Variants in CLSTN2 observed in about 807,000 individuals in gnomAD.
CLSTN2 encodes calsyntenin-2.
Under a neutral mutation model 101.2 loss-of-function variants are expected in CLSTN2, and 48 were observed. That is an observed-to-expected ratio of 0.47 (90% confidence interval 0.38 to 0.60). The LOEUF is 0.60. Among genes scored for constraint, CLSTN2 ranks in the 20% least tolerant of loss-of-function variants. The pLI is 0.00. For synonymous variants in CLSTN2, 481 were observed against 463.6 expected (o/e 1.04, Z -0.48); for missense variants, 1,160 against 1,238.2 (o/e 0.94, Z 0.95).
intron 1 of CLSTN2, among the ~76,000 whole-genome samples, chr3:140,093,381 G>A (rs2008814218): frequency 2.0e-5 from 3 of 152,064 alleles, no homozygotes; most frequent in African/African-American, 7.2e-5. Flanking sequence ...CTGCCTTCTT[G>A]TTTCATCCTA....
intron 2 of CLSTN2, among the ~76,000 whole-genome samples, chr3:140,340,261 A>G (rs923234757): frequency 2.0e-5 from 3 of 152,256 alleles, no homozygotes; most frequent in Non-Finnish European, 2.9e-5. Flanking sequence ...GTTCTAATGT[A>G]CTTCGTACAT....
intron 1 of CLSTN2, among the ~76,000 whole-genome samples, chr3:139,970,781 C>T (rs146768984): frequency 6.6e-6 from 1 of 152,284 alleles, no homozygotes; most frequent in East Asian, 1.9e-4. Context: ...GTAGCCTCCT[C>T]AAGTCATAAG....
chr3:140,570,458 A>G lies in CLSTN2; in HGVS notation c.*4205A>G, dbSNP rs2107798380. 6.6e-6 allele frequency: 1 copy of G among 152,332 alleles called. No individual in the cohort carries two copies. The highest frequency in any genetic ancestry group is 1.5e-5 in the Non-Finnish European group (1 of 68,014). The allele number at this position is 152,332 out of a possible 1,614,324, so 9.4% of individuals were successfully genotyped here. On this transcript the variant is annotated 3_prime_UTR_variant, in exon 17 of 17. Transcript: ENST00000458420. ...CATAGGCTATATGCAAATACTATGCATTTTATATAAAGGAATTGAACATCT... is the reference window on the plus strand; with the variant it reads ...CATAGGCTATATGCAAATACTATGCGTTTTATATAAAGGAATTGAACATCT...
intron 1 of CLSTN2, among the ~76,000 whole-genome samples, chr3:140,173,621 C>A (rs1576455282): frequency 6.6e-6 from 1 of 152,246 alleles, no homozygotes; most frequent in African/African-American, 2.4e-5. Context: ...CTGCAGCAAA[C>A]TTTTGCCTGG....
At chr3:140,024,666 T>A (rs1157112093) in intron 1 of CLSTN2, among the ~76,000 whole-genome samples, 2 of 152,132 alleles carry the variant, frequency 1.3e-5, no homozygotes, top group Non-Finnish European at 2.9e-5. Context: ...CTGTTAGTGT[T>A]GAGTCTCACG....
chr3:140,013,341 G>A (rs1009171106), intron 1 of CLSTN2, among the ~76,000 whole-genome samples: 1 of 152,226 alleles, frequency 6.6e-6, no homozygotes, highest in African/African-American at 2.4e-5. Flanking sequence ...AGGCTGTGCT[G>A]CCCTGTCCCA....
At chr3:140,345,661 C>T (rs952398903) in intron 2 of CLSTN2, among the ~76,000 whole-genome samples, 1 of 148,344 alleles carries the variant, frequency 6.7e-6, no homozygotes, top group African/African-American at 2.5e-5. Flanking sequence ...AGCAGAAGGC[C>T]GTGCATGTGT....
chr3:140,493,054 C>G (rs1321122136), intron 8 of CLSTN2, among the ~76,000 whole-genome samples: 1 of 152,164 alleles, frequency 6.6e-6, no homozygotes, highest in Non-Finnish European at 1.5e-5. Flanking sequence ...ATTAATATTT[C>G]AGGAGAACAA....
At chr3:140,180,202 G>A (rs1372948053) in intron 2 of CLSTN2, among the ~76,000 whole-genome samples, 1 of 152,202 alleles carries the variant, frequency 6.6e-6, no homozygotes, top group Non-Finnish European at 1.5e-5. Flanking sequence ...AGTTGGCAGG[G>A]GAGATAACTA....
chr3:140,439,266 C>T (rs919125140), intron 5 of CLSTN2, among the ~76,000 whole-genome samples: 1 of 152,236 alleles, frequency 6.6e-6, no homozygotes, highest in African/African-American at 2.4e-5. Flanking sequence ...TAACTAGTGG[C>T]ACCAGTTCTC....
intron 8 of CLSTN2, among the ~76,000 whole-genome samples, chr3:140,496,674 G>A (rs748877153): frequency 1.3e-5 from 2 of 152,130 alleles, no homozygotes; most frequent in African/African-American, 2.4e-5. Context: ...TAACATGAAG[G>A]GATGTTGAAT....
intron 1 of CLSTN2, among the ~76,000 whole-genome samples, chr3:139,976,429 A>G (rs1942367770): frequency 6.6e-6 from 1 of 152,260 alleles, no homozygotes; most frequent in Non-Finnish European, 1.5e-5. Flanking sequence ...GGGATTTCAG[A>G]GAATTCATCA....
chr3:140,093,057 G>A (rs747534581), intron 1 of CLSTN2, among the ~76,000 whole-genome samples: 17 of 152,074 alleles, frequency 1.1e-4, no homozygotes, highest in Admixed American at 2.6e-4. Context: ...TGTTATGCAC[G>A]GTATTCAAAT....
At chr3:140,099,348 A>C (rs1473968364) in intron 1 of CLSTN2, among the ~76,000 whole-genome samples, 1 of 152,092 alleles carries the variant, frequency 6.6e-6, no homozygotes, top group African/African-American at 2.4e-5. Flanking sequence ...GACTCCAGGC[A>C]TTCCTTGGCT....
At chr3:140,342,650 G>A (rs1221315947) in intron 2 of CLSTN2, among the ~76,000 whole-genome samples, 1 of 152,142 alleles carries the variant, frequency 6.6e-6, no homozygotes, top group African/African-American at 2.4e-5. Context: ...AAGAAACACA[G>A]CAGGGATGAT....
chr3:140,158,278 T>C (rs1393561821), intron 1 of CLSTN2, among the ~76,000 whole-genome samples: 1 of 152,196 alleles, frequency 6.6e-6, no homozygotes, highest in Non-Finnish European at 1.5e-5. Flanking sequence ...TCTTCACTGA[T>C]GATATGATTA....
At chr3:140,140,862 T>G (rs1435880040) in intron 1 of CLSTN2, among the ~76,000 whole-genome samples, 1 of 152,188 alleles carries the variant, frequency 6.6e-6, no homozygotes, top group East Asian at 1.9e-4. Flanking sequence ...CCTGCTATAT[T>G]CCCAGCCATG....
intron 2 of CLSTN2, among the ~76,000 whole-genome samples, chr3:140,233,637 T>C (rs889635786): frequency 2.0e-5 from 3 of 152,188 alleles, no homozygotes; most frequent in Non-Finnish European, 4.4e-5. Flanking sequence ...GGCCAAGTTT[T>C]CCCTGCCATA....
intron 1 of CLSTN2, among the ~76,000 whole-genome samples, chr3:140,093,727 A>T (rs1010599712): frequency 6.6e-6 from 1 of 152,190 alleles, no homozygotes; most frequent in Non-Finnish European, 1.5e-5. Flanking sequence ...GTGCAAAATT[A>T]TTTTGAATGG....
Sources: allele counts gnomAD v4.1 joint callset (sites outside exome capture counted in the v4.1 genomes callset), GRCh38; gene constraint gnomAD v4.1.1; transcripts MANE v1.5; gene names NCBI Gene and HGNC (gene_info 2026-07-23, HGNC 2026-07-21).